KDM1B: variants seen among roughly 807,000 people sequenced by gnomAD.
KDM1B encodes the protein lysine demethylase 1B, also known as lysine-specific histone demethylase 2.
A neutral mutation model predicts 107.4 loss-of-function variants in KDM1B; 63 were observed. The ratio of observed to expected loss-of-function variants is 0.59; its 90% confidence interval spans 0.48 to 0.72. The LOEUF is 0.72. Ranked by LOEUF, KDM1B falls within the 30% of genes least tolerant of loss-of-function variation. The pLI is 0.00. For missense variants in KDM1B, 749 were observed against 1,020.8 expected (o/e 0.73, Z 3.63); for synonymous variants, 363 against 363.9 (o/e 1.00, Z 0.03).
At position 18,200,572 on chromosome 6, in the gene KDM1B, A is replaced by T. The variant is rs1158315484; in HGVS notation, c.1355A>T (p.Glu452Val). 6.2e-7 allele frequency: 1 copy of T among 1,609,250 alleles called. No individual in the cohort carries two copies. The highest frequency in any genetic ancestry group is 1.1e-5 in the South Asian group (1 of 89,674). Residue 452 changes from glutamate (E) to valine (V), a missense_variant, in exon 13 of 22, where the codon GAA (glutamate) becomes GTA (valine). Physicochemically the swap from Glu to Val is moderately radical, Grantham distance 121 (BLOSUM62 -2). Coordinates refer to ENST00000650836, the MANE Select transcript of KDM1B (RefSeq NM_001364614.2). The surrounding 1 kb of genome is among the most constrained non-coding windows in gnomAD (Gnocchi z 4.3). The part of the protein sequence containing the change: ...CINNPVALMC[E>V]QLGISMHKFG... ...AACAACCCAGTAGCATTAATGTGTG[A>T]ACAAGTGAGTTTCTTTTAGCTTTGT...
At chr6:18,166,755 G>C (rs1483071245) in intron 6 of KDM1B, among the ~76,000 whole-genome samples, 1 of 151,740 alleles carries the variant, frequency 6.6e-6, no homozygotes, top group Non-Finnish European at 1.5e-5. Flanking sequence ...TCATCAGGTT[G>C]AGGTTGGGGA....
Position 18,212,441 on chromosome 6 carries a change from G to T in KDM1B, c.1867-47G>T. 9.1e-7 allele frequency: 1 copy of T among 1,093,288 alleles called. No individual in the cohort carries two copies. The highest frequency in any genetic ancestry group is 1.4e-6 in the Non-Finnish European group (1 of 704,844). 67.7% of individuals were successfully genotyped at this position (1,093,288 alleles called of 1,614,324 possible). On this transcript the variant is annotated intron_variant, in intron 17 of 21. Coordinates refer to ENST00000650836, the MANE Select transcript of KDM1B (RefSeq NM_001364614.2). The surrounding 1 kb of genome is among the most constrained non-coding windows in gnomAD (Gnocchi z 5.2). ...GTTGATACCAGTGTAGTGGTAGTGTGAGGTTCTGTTGCTGTTTGTTTGTTA... is the reference window on the plus strand; with the variant it reads ...GTTGATACCAGTGTAGTGGTAGTGTTAGGTTCTGTTGCTGTTTGTTTGTTA...
intron 6 of KDM1B, among the ~76,000 whole-genome samples, chr6:18,170,491 T>G (rs1343691777): frequency 6.6e-6 from 1 of 152,114 alleles, no homozygotes; most frequent in South Asian, 2.1e-4. Flanking sequence ...CGCTGATTTT[T>G]TTTTTTTAGA....
chr6:18,207,622 C>A, intron 16 of KDM1B, 93 bp downstream of exon 16: 1 of 1,505,674 alleles, frequency 6.6e-7, no homozygotes, highest in Non-Finnish European at 9.2e-7. Context: ...ATGGGGCTGG[C>A]TTTGGTGTTT....
At chr6:18,171,763 C>CT (rs1362858811) in intron 7 of KDM1B, among the ~76,000 whole-genome samples, 2 of 152,162 alleles carry the variant, frequency 1.3e-5, no homozygotes, top group Admixed American at 1.3e-4. Flanking sequence ...CACCTGTAGT[C>CT]TAACTTCATC....
rs1300060254 is a variant in KDM1B, at chr6:18,172,655, A to G, written c.534+1176A>G. Among the ~76,000 whole-genome samples, 1 of 152,184 alleles carries G rather than the reference A, an allele frequency of 6.6e-6. No individual in the cohort carries two copies. Among genetic ancestry groups the G allele is most frequent in the Non-Finnish European group, 1.5e-5 (1 of 68,038 alleles). On this transcript the variant is annotated intron_variant, in intron 7 of 21. Transcript: ENST00000650836. This position sits in a 1 kb window ranked among gnomAD's most constrained non-coding sequence, Gnocchi z 5.2. ...ATTCAACCTGGGATTCAAAATATAAACATCATATTTTTATAACGCCTGGAA... is the reference window on the plus strand; with the variant it reads ...ATTCAACCTGGGATTCAAAATATAAGCATCATATTTTTATAACGCCTGGAA...
At position 18,201,462 on chromosome 6, in the gene KDM1B, CTTCTTA is replaced by C. The variant is rs1788027228; in HGVS notation, c.1360-15_1360-10del. The stretch of plus-strand genomic sequence containing the variant: ...ATTTTTTTCCAGGGAAAATTTTCAC[CTTCTTA>C]TTCTTATTATTTTGAAGCTTGGCAT... On this transcript the variant is annotated intron_variant, in intron 13 of 21. Transcript: ENST00000650836. This position sits in a 1 kb window ranked among gnomAD's most constrained non-coding sequence, Gnocchi z 4.3. 2.0e-6 allele frequency: 3 copies of C among 1,510,970 alleles called. No individual in the cohort carries two copies. The African/African-American group carries it at 4.2e-5, about 21-fold the overall frequency. 93.6% of individuals were successfully genotyped at this position (1,510,970 alleles called of 1,614,324 possible).
At chr6:18,221,450 A>G (rs759771814) in intron 21 of KDM1B, among the ~76,000 whole-genome samples, 20 of 151,990 alleles carry the variant, frequency 1.3e-4, no homozygotes, top group Non-Finnish European at 2.2e-4. Flanking sequence ...CCTCACTCAC[A>G]TTGTCTTTTT....
chr6:18,205,447 G>A lies in KDM1B; in HGVS notation c.1532-90G>A. 7.6e-7 allele frequency: 1 copy of A among 1,308,564 alleles called. No homozygotes were observed. The highest frequency in any genetic ancestry group is 2.8e-5 in the East Asian group (1 of 36,116). The allele number at this position is 1,308,564 out of a possible 1,614,324, so 81.1% of individuals were successfully genotyped here. On this transcript the variant is annotated intron_variant, in intron 14 of 21. Transcript: ENST00000650836. The surrounding 1 kb of genome is among the most constrained non-coding windows in gnomAD (Gnocchi z 5.7). ...AAAGACTTTGGAAGTTTTGGGTGTT[G>A]CTGGGTGACAGAGGTTGAAAGCAAA...
chr6:18,183,204 A>G (rs551484460), intron 7 of KDM1B, among the ~76,000 whole-genome samples: 2 of 135,346 alleles, frequency 1.5e-5, no homozygotes, highest in South Asian at 4.9e-4. Flanking sequence ...CTCAGTAGTT[A>G]TTATGCTTCC....
In KDM1B at chr6:18,162,613, C is replaced by A. The variant is rs770827455; in HGVS notation, c.216-222C>A. 2.9e-4 allele frequency among the ~76,000 whole-genome samples: 44 copies of A among 152,114 alleles called. No individual in the cohort carries two copies. Among genetic ancestry groups the A allele is most frequent in the Non-Finnish European group, 4.4e-4 (30 of 68,028 alleles). On this transcript the variant is annotated intron_variant, in intron 4 of 21. Coordinates refer to ENST00000650836, the MANE Select transcript of KDM1B (RefSeq NM_001364614.2). This position sits in a 1 kb window ranked among gnomAD's most constrained non-coding sequence, Gnocchi z 4.1. Reference sequence around the variant, plus strand: ...AAGGAGTCTTCTTAAGACTGCTAAGCCCCAGGCAGCCAGCTAGGTTAGGTC... The same window carrying A: ...AAGGAGTCTTCTTAAGACTGCTAAGACCCAGGCAGCCAGCTAGGTTAGGTC...
chr6:18,169,253 G>A (rs1213828523), intron 6 of KDM1B, among the ~76,000 whole-genome samples: 1 of 142,170 alleles, frequency 7.0e-6, no homozygotes, highest in African/African-American at 2.7e-5. Context: ...TTTTTTTTGA[G>A]ATGGAGTTTC....
intron 7 of KDM1B, among the ~76,000 whole-genome samples, chr6:18,184,643 T>A (rs1439101615): frequency 1.3e-5 from 2 of 151,890 alleles, no homozygotes; most frequent in African/African-American, 2.4e-5. Context: ...TAGTTTGTTC[T>A]CATTGCTGTG....
chr6:18,220,866 C>T (rs374955827), intron 21 of KDM1B, among the ~76,000 whole-genome samples: 5 of 151,516 alleles, frequency 3.3e-5, no homozygotes, highest in African/African-American at 4.9e-5. Context: ...CCGCCACCTG[C>T]GTTCAAGCAA....
chr6:18,214,804 G>A lies in KDM1B; in HGVS notation c.2110-203G>A, dbSNP rs1166478381. 2.0e-5 allele frequency among the ~76,000 whole-genome samples: 3 copies of A among 152,346 alleles called. No homozygotes were observed. The East Asian group carries it at 5.8e-4, about 29-fold the overall frequency. ...AGACGCCTGTAATCCCAGCTACTCT[G>A]GAGGCTGAGGCAGGAGAATCACTTG... On this transcript the variant is annotated intron_variant, in intron 19 of 21. Transcript: ENST00000650836. This position sits in a 1 kb window ranked among gnomAD's most constrained non-coding sequence, Gnocchi z 4.4.
In KDM1B at chr6:18,187,854, A is replaced by G. The variant is rs1786978919; in HGVS notation, c.636A>G (p.Lys212=). The stretch of plus-strand genomic sequence containing the variant: ...TGCTCATCCTACCTCCTTTGCTGAA[A>G]GACAGTGTGGCAGCGCCCCTGCTGT... ...YSMLILPPLL[K]DSVAAPLLSA... The change falls in exon 9 of 22, where the codon AAA becomes AAG. Residue 212 remains lysine (K), a synonymous_variant. Coordinates refer to ENST00000650836, the MANE Select transcript of KDM1B (RefSeq NM_001364614.2). 3.9e-6 allele frequency: 6 copies of G among 1,550,536 alleles called. No homozygotes were observed. The highest frequency in any genetic ancestry group is 5.2e-6 in the Non-Finnish European group (6 of 1,146,984).
chr6:18,184,579 C>A (rs1376005229), intron 7 of KDM1B, among the ~76,000 whole-genome samples: 1 of 151,828 alleles, frequency 6.6e-6, no homozygotes, highest in African/African-American at 2.4e-5. Context: ...GGGGCCTGTT[C>A]TAACTTCTTT....
intron 7 of KDM1B, 42 bp downstream of exon 7, chr6:18,171,521 G>C: frequency 9.9e-7 from 1 of 1,011,610 alleles, no homozygotes; most frequent in Non-Finnish European, 1.6e-6. Context: ...ATATATTAAT[G>C]TAGTCAGTAA....
chr6:18,212,254 T>C lies in KDM1B; in HGVS notation c.1867-234T>C, dbSNP rs1788902503. 2 of 513,234 alleles carry C rather than the reference T, an allele frequency of 3.9e-6. No homozygotes were observed. The highest frequency in any genetic ancestry group is 6.6e-5 in the Admixed American group (2 of 30,342). 31.8% of individuals were successfully genotyped at this position (513,234 alleles called of 1,614,324 possible). A position where few individuals can be genotyped will look rare whatever the true frequency, so the allele number is the denominator to read the frequency against. On this transcript the variant is annotated intron_variant, in intron 17 of 21. Coordinates refer to ENST00000650836, the MANE Select transcript of KDM1B (RefSeq NM_001364614.2). The surrounding 1 kb of genome is among the most constrained non-coding windows in gnomAD (Gnocchi z 5.2). ...GCCACCGCACCTGGCCTCTGCTGACTCTTCTTATCTAAGATGATTATTCAC... is the reference window on the plus strand; with the variant it reads ...GCCACCGCACCTGGCCTCTGCTGACCCTTCTTATCTAAGATGATTATTCAC...
Sources: gnomAD v4.1 joint callset for allele counts (sites outside exome capture counted in the v4.1 genomes callset) on GRCh38, gnomAD v4.1.1 for gene constraint, Gnocchi (gnomAD v3.1) non-coding constraint, MANE v1.5 for transcripts, NCBI Gene and HGNC (gene_info 2026-07-23, HGNC 2026-07-21) for gene names.